Variants in SLC45A4 observed in about 807,000 individuals in gnomAD.
SLC45A4 encodes solute carrier family 45 member 4, also known as polyamine-transporter SLC45A4.
SLC45A4 carries 32 observed loss-of-function variants against 63.7 expected under a neutral mutation model. That is an observed-to-expected ratio of 0.50 (90% CI 0.38 to 0.67). The LOEUF (loss-of-function observed/expected upper bound fraction) is 0.67. Among genes scored for constraint, SLC45A4 ranks in the 30% least tolerant of loss-of-function variants. The probability of loss-of-function intolerance (pLI) is 0.00; values close to 1 mark genes in which losing one functional copy is unlikely to be tolerated. For synonymous variants in SLC45A4, 535 were observed against 510.0 expected (o/e 1.05, Z -0.66); for missense variants, 1,027 against 1,157.7 (o/e 0.89, Z 1.64).
At chr8:141,266,836 TAAC>T in intron 1 of SLC45A4, among the ~76,000 whole-genome samples, 1 of 152,174 alleles carries the variant, frequency 6.6e-6, no homozygotes, top group African/African-American at 2.4e-5. Context: ...AAAACAGATC[TAAC>T]AAGAGGGCCC....
intron 1 of SLC45A4, among the ~76,000 whole-genome samples, chr8:141,300,887 T>C (rs141546142): frequency 6.6e-6 from 1 of 152,338 alleles, no homozygotes; most frequent in African/African-American, 2.4e-5. Flanking sequence ...AAGCTTAACA[T>C]GGAGCAGCAC....
chr8:141,272,779 C>T (rs1829590848), intron 1 of SLC45A4, among the ~76,000 whole-genome samples: 2 of 152,168 alleles, frequency 1.3e-5, no homozygotes, highest in Non-Finnish European at 2.9e-5. Context: ...TCCAACAGGA[C>T]CCCAAGCTCT....
chr8:141,216,974 C>G, intron 6 of SLC45A4, 116 bp downstream of exon 6: 1 of 1,053,264 alleles, frequency 9.5e-7, no homozygotes, highest in South Asian at 1.4e-5. Flanking sequence ...TTGAGGGACC[C>G]AGAAGTCAGT....
chr8:141,239,625 G>A (rs1827806574), intron 2 of SLC45A4, among the ~76,000 whole-genome samples: 1 of 152,130 alleles, frequency 6.6e-6, no homozygotes, highest in African/African-American at 2.4e-5. Flanking sequence ...GCATCATGAG[G>A]TGCATTTTCA....
At chr8:141,251,764 G>A (rs963113618) in intron 2 of SLC45A4, among the ~76,000 whole-genome samples, 1 of 151,856 alleles carries the variant, frequency 6.6e-6, no homozygotes, top group African/African-American at 2.4e-5. Flanking sequence ...TGGAAGCACT[G>A]GAAAAGTAAG....
Position 141,254,138 on chromosome 8 carries a change from G to A in SLC45A4, c.92C>T (p.Ala31Val), listed in dbSNP as rs1265799167. 1.3e-6 allele frequency: 2 copies of A among 1,536,166 alleles called. No individual in the cohort carries two copies. Among genetic ancestry groups the A allele is most frequent in the South Asian group, 2.4e-5 (2 of 84,066 alleles). The change falls in exon 2 of 9, where the codon GCA (alanine) becomes GTA (valine). Residue 31 changes from alanine (A) to valine (V), a missense_variant. Ala to Val is a moderately conservative substitution (Grantham distance 64). Transcript: ENST00000517878. The surrounding 1 kb of genome is among the most constrained non-coding windows in gnomAD (Gnocchi z 4.5). ...GATGGTCTCGCAGTTCTCGGCCTCT[G>A]CGCCTCCGGCTTTCTGCGGGTCCGG... ...PLPDPQKAGG[A>V]EAENCETISE...
chr8:141,222,607 G>A (rs1010206262), intron 2 of SLC45A4, among the ~76,000 whole-genome samples: 1 of 152,302 alleles, frequency 6.6e-6, no homozygotes, highest in African/African-American at 2.4e-5. Context: ...AGAAACCCGC[G>A]TGTCCATCAC....
chr8:141,218,154 G>GGCGCACCGTGGT lies in SLC45A4; in HGVS notation c.1474_1485dup (p.Thr492_Arg495dup), dbSNP rs778680286. 6.2e-7 allele frequency: 1 copy of GGCGCACCGTGGT among 1,609,540 alleles called. No homozygotes were observed. Among genetic ancestry groups the GGCGCACCGTGGT allele is most frequent in the South Asian group, 1.1e-5 (1 of 91,072 alleles). On this transcript the variant is annotated inframe_insertion, in exon 5 of 9. Transcript: ENST00000517878. ...ATCTTCAGCATGGAGAGCCACAGCA[G>GGCGCACCGTGGT]GCGCACCGTGGTCTCGCCCTCCCCC...
chr8:141,217,407 G>A (rs59437555), intron 5 of SLC45A4, among the ~76,000 whole-genome samples: 9,699 of 152,308 alleles, frequency 0.064, 468 homozygotes, highest in East Asian at 0.25. Context: ...CTCTGCCACC[G>A]CGGCAAGAGG....
chr8:141,295,225 C>T (rs558607778), intron 1 of SLC45A4, among the ~76,000 whole-genome samples: 1 of 152,258 alleles, frequency 6.6e-6, no homozygotes, highest in South Asian at 2.1e-4. Context: ...AGGAGGGAAG[C>T]TGGGACCACA....
At chr8:141,217,284 A>G in intron 5 of SLC45A4, 95 bp from the exon 6 acceptor site, 7 of 1,299,312 alleles carry the variant, frequency 5.4e-6, no homozygotes, top group Non-Finnish European at 7.5e-6. Flanking sequence ...CCGGCTGCTC[A>G]TTCTAAGAGC....
chr8:141,269,984 T>C (rs13267590), intron 1 of SLC45A4, among the ~76,000 whole-genome samples: 101,697 of 151,772 alleles, frequency 0.67, 34,396 homozygotes, highest in East Asian at 0.88. Context: ...GCTGACCATA[T>C]GGGGCGGCCT....
intron 1 of SLC45A4, among the ~76,000 whole-genome samples, chr8:141,301,794 C>CA (rs1041891725): frequency 1.7e-5 from 2 of 116,338 alleles, no homozygotes; most frequent in South Asian, 2.7e-4. Context: ...CCCATCTCTG[C>CA]AAAAAATAAA....
At chr8:141,294,642 C>T (rs1830476454) in intron 1 of SLC45A4, among the ~76,000 whole-genome samples, 1 of 152,266 alleles carries the variant, frequency 6.6e-6, no homozygotes, top group South Asian at 2.1e-4. Flanking sequence ...CTCAACGTGG[C>T]AACCCACGTC....
intron 2 of SLC45A4, among the ~76,000 whole-genome samples, chr8:141,243,912 T>C (rs1311378064): frequency 1.3e-5 from 2 of 152,184 alleles, no homozygotes; most frequent in Non-Finnish European, 2.9e-5. Flanking sequence ...ACATATAATA[T>C]AGAAGGTATG....
chr8:141,224,041 G>A (rs183187239), intron 2 of SLC45A4, among the ~76,000 whole-genome samples: 122 of 151,160 alleles, frequency 8.1e-4, no homozygotes, highest in Non-Finnish European at 1.4e-3. Flanking sequence ...GAGGGGCTCT[G>A]CTGACGACAA....
chr8:141,217,944 C>T (rs1470128924), intron 5 of SLC45A4, 67 bp downstream of exon 5: 62 of 1,501,502 alleles, frequency 4.1e-5, no homozygotes, highest in South Asian at 6.3e-5. Context: ...CGGCCCAGCC[C>T]GTGAGCTTCT....
intron 2 of SLC45A4, among the ~76,000 whole-genome samples, chr8:141,235,334 A>G (rs1827570651): frequency 6.6e-6 from 1 of 152,142 alleles, no homozygotes; most frequent in South Asian, 2.1e-4. Context: ...CGTGAGGGGC[A>G]TTTCAACCCA....
At position 141,218,068 on chromosome 8, in the gene SLC45A4, G is replaced by A. The variant is rs753084927; in HGVS notation, c.1572C>T (p.Ala524=). 9.9e-6 allele frequency: 16 copies of A among 1,612,166 alleles called. No individual in the cohort carries two copies. The highest frequency in any genetic ancestry group is 1.6e-4 in the Middle Eastern group (1 of 6,062). The change falls in exon 5 of 9, where the codon GCC becomes GCT. Residue 524 remains alanine, a synonymous_variant. Coordinates refer to ENST00000517878, the MANE Select transcript of SLC45A4 (RefSeq NM_001286646.2). The part of the protein sequence containing the change: ...CHLLTWFSVI[A]EAVFYTDFMG... ...TGAAGTCGGTGTAGAACACGGCCTCGGCGATGACAGAGAACCAGGTGAGGA... is the reference window on the plus strand; with the variant it reads ...TGAAGTCGGTGTAGAACACGGCCTCAGCGATGACAGAGAACCAGGTGAGGA...
Sources: gnomAD v4.1 joint callset for allele counts (sites outside exome capture counted in the v4.1 genomes callset) on GRCh38, gnomAD v4.1.1 for gene constraint, Gnocchi (gnomAD v3.1) non-coding constraint, MANE v1.5 for transcripts, NCBI Gene and HGNC (gene_info 2026-07-23, HGNC 2026-07-21) for gene names.